The following TGFB3 variants were observed in gnomAD, a reference collection of about 807,000 sequenced individuals.
The protein encoded by TGFB3 is transforming growth factor beta 3, also known as transforming growth factor beta-3 proprotein.
Under a neutral mutation model 40.1 loss-of-function variants are expected in TGFB3, and 5 were observed. The observed-to-expected ratio is 0.12, with a 90% CI of 0.07 to 0.26. The LOEUF (loss-of-function observed/expected upper bound fraction) is 0.26, where lower values mean the gene tolerates loss of function less well. Ranked by LOEUF, TGFB3 falls within the 10% of genes least tolerant of loss-of-function variation. The probability of loss-of-function intolerance (pLI) is 1.00; values close to 1 mark genes in which losing one functional copy is unlikely to be tolerated. For missense variants in TGFB3, 373 were observed against 530.1 expected (o/e 0.70, Z 2.91); for synonymous variants, 184 against 205.6 (o/e 0.89, Z 0.90).
At chr14:75,977,442 C>T (rs1264972695) in intron 1 of TGFB3, among the ~76,000 whole-genome samples, 3 of 152,276 alleles carry the variant, frequency 2.0e-5, no homozygotes, top group African/African-American at 7.2e-5. Context: ...CCAATAGAGG[C>T]TCTGCTGATT....
intron 1 of TGFB3, among the ~76,000 whole-genome samples, chr14:75,977,206 G>A (rs3917162): frequency 0.047 from 7,119 of 152,282 alleles, 193 homozygotes; most frequent in South Asian, 0.076. Flanking sequence ...TTGTCTTAGC[G>A]CTGCCCTTGG....
rs1200653349 is a variant in TGFB3, at chr14:75,971,098, G to A, written c.646+28C>T. On this transcript the variant is annotated intron_variant, in intron 3 of 6. Coordinates refer to ENST00000238682, the MANE Select transcript of TGFB3 (RefSeq NM_003239.5). The surrounding 1 kb of genome is among the most constrained non-coding windows in gnomAD (Gnocchi z 4.5). ...GACTAAGGGACCTGAGGTTCATTCT[G>A]AAATGCTTATCTGAAGGGTCCACCT... is the stretch of plus-strand genomic sequence containing the variant. 1 of 1,612,828 alleles carries A rather than the reference G, an allele frequency of 6.2e-7. No individual in the cohort carries two copies. Among genetic ancestry groups the A allele is most frequent in the East Asian group, 2.2e-5 (1 of 44,858 alleles).
Position 75,971,788 on chromosome 14 carries a change from C to G in TGFB3, c.353-70G>C. On this transcript the variant is annotated intron_variant, in intron 1 of 6. Coordinates refer to ENST00000238682, the MANE Select transcript of TGFB3 (RefSeq NM_003239.5). This position sits in a 1 kb window ranked among gnomAD's most constrained non-coding sequence, Gnocchi z 4.5. ...GCAGGAACAGTGTGCTGCCAACGGA[C>G]AGGCACCAAGTGGCCACCGTCCCGC... 6.3e-7 allele frequency: 1 copy of G among 1,581,826 alleles called. No homozygotes were observed. Among genetic ancestry groups the G allele is most frequent in the Non-Finnish European group, 8.6e-7 (1 of 1,157,324 alleles).
chr14:75,970,066 G>T (rs2035270422), intron 3 of TGFB3, among the ~76,000 whole-genome samples: 1 of 151,986 alleles, frequency 6.6e-6, no homozygotes, highest in Non-Finnish European at 1.5e-5. Context: ...CCCTGTAGCT[G>T]TCTGAGTCAG....
rs2035108286 is a variant in TGFB3 at position 75,958,127 on chromosome 14, A to G, written c.*1060T>C. ...CTTAGAATAAGGCTTTTACTGTTCTAGAAACAATATTCCAGAAGATGAAAT... is the reference window on the plus strand; with the variant it reads ...CTTAGAATAAGGCTTTTACTGTTCTGGAAACAATATTCCAGAAGATGAAAT... On this transcript the variant is annotated 3_prime_UTR_variant, in exon 7 of 7. Transcript: ENST00000238682. The G allele has an allele frequency of 6.5e-6, 1 of 152,680 alleles. No individual in the cohort carries two copies. The highest frequency in any genetic ancestry group is 2.4e-5 in the African/African-American group (1 of 41,460). 9.5% of individuals were successfully genotyped at this position (152,680 alleles called of 1,614,324 possible).
intron 3 of TGFB3, chr14:75,966,171 A>T: frequency 4.7e-6 from 1 of 213,388 alleles, no homozygotes; most frequent in Non-Finnish European, 9.5e-6. Context: ...GTAACTAAAG[A>T]GTCTCCGAGC....
chr14:75,968,669 C>T (rs1374081992), intron 3 of TGFB3, among the ~76,000 whole-genome samples: 2 of 152,178 alleles, frequency 1.3e-5, no homozygotes, highest in South Asian at 2.1e-4. Context: ...GGCAGATCCA[C>T]GTGGGTTCTC....
intron 6 of TGFB3, 51 bp downstream of exon 6, chr14:75,960,872 G>A: frequency 6.2e-7 from 1 of 1,611,322 alleles, no homozygotes; most frequent in Non-Finnish European, 8.5e-7. Flanking sequence ...TTTAACAAGT[G>A]GTCTGGTCGG....
rs754489322 is a variant in TGFB3 at position 75,959,158 on chromosome 14, T to C, written c.*29A>G. 3 of 1,613,986 alleles carry C rather than the reference T, an allele frequency of 1.9e-6. No individual in the cohort carries two copies. Among genetic ancestry groups the C allele is most frequent in the Non-Finnish European group, 2.5e-6 (3 of 1,179,910 alleles). On this transcript the variant is annotated 3_prime_UTR_variant, in exon 7 of 7. Coordinates refer to ENST00000238682, the MANE Select transcript of TGFB3 (RefSeq NM_003239.5). ...GGGCAGTCAGGCAGTGGTGGTTCTCTCTCCCCTCTCTCTGTCGCACGTGGG... is the reference window on the plus strand; with the variant it reads ...GGGCAGTCAGGCAGTGGTGGTTCTCCCTCCCCTCTCTCTGTCGCACGTGGG...
At chr14:75,975,786 AT>A (rs1318973572) in intron 1 of TGFB3, among the ~76,000 whole-genome samples, 1 of 152,226 alleles carries the variant, frequency 6.6e-6, no homozygotes, top group African/African-American at 2.4e-5. Context: ...AGATGGTTTC[AT>A]CAACAAAATA....
rs2035286432 is a variant in TGFB3, at chr14:75,971,186, T to C, written c.586A>G (p.Thr196Ala). 3.7e-6 allele frequency: 6 copies of C among 1,614,192 alleles called. No individual in the cohort carries two copies. The highest frequency in any genetic ancestry group is 3.3e-5 in the Admixed American group (2 of 60,030). The stretch of plus-strand genomic sequence containing the variant: ...ACATCAAAGGACAGCCACTCGGCAG[T>C]GCCCCGTGTGGGCAGATTCTTGCCA... ...IGGKNLPTRG[T>A]AEWLSFDVTD... is the part of the protein sequence containing the mutation. The change falls in exon 3 of 7, where the codon ACT (threonine) becomes GCT (alanine). Residue 196 changes from threonine (T) to alanine (A), a missense_variant. Physicochemically the swap from Thr to Ala is moderately conservative, Grantham distance 58. Transcript: ENST00000238682. This position sits in a 1 kb window ranked among gnomAD's most constrained non-coding sequence, Gnocchi z 4.5.
chr14:75,968,298 T>C (rs1228633174), intron 3 of TGFB3, among the ~76,000 whole-genome samples: 2 of 151,290 alleles, frequency 1.3e-5, no homozygotes, highest in Non-Finnish European at 3.0e-5. Flanking sequence ...TCTCTGTAAG[T>C]ACAAACCTGT....
rs1208175026 is a variant in TGFB3, at chr14:75,961,146, A to T, written c.927-70T>A. 22 of 1,565,698 alleles carry T rather than the reference A, an allele frequency of 1.4e-5. No homozygotes were observed. The South Asian group carries it at 2.3e-4, about 16-fold the overall frequency. The stretch of plus-strand genomic sequence containing the variant: ...TAAAAGAAACTTCATGAATGCTCTC[A>T]TATTCTCCCTTGGAGTCCTTTCATG... On this transcript the variant is annotated intron_variant, in intron 5 of 6. Coordinates refer to ENST00000238682, the MANE Select transcript of TGFB3 (RefSeq NM_003239.5).
Position 75,971,162 on chromosome 14 carries a change from C to T in TGFB3, c.610G>A (p.Val204Ile). The T allele has an allele frequency of 6.2e-7, 1 of 1,614,148 alleles. No homozygotes were observed. The highest frequency in any genetic ancestry group is 1.1e-5 in the South Asian group (1 of 91,084). The change falls in exon 3 of 7, where the codon GTC becomes ATC. Residue 204 changes from valine (V) to isoleucine (I), a missense_variant. Transcript: ENST00000238682. The surrounding 1 kb of genome is among the most constrained non-coding windows in gnomAD (Gnocchi z 4.5). ...RGTAEWLSFD[V>I]TDTVREWLLR... is the part of the protein sequence containing the mutation. ...AGCCACTCACGCACAGTGTCAGTGACATCAAAGGACAGCCACTCGGCAGTG... is the reference window on the plus strand; with the variant it reads ...AGCCACTCACGCACAGTGTCAGTGATATCAAAGGACAGCCACTCGGCAGTG...
intron 3 of TGFB3, among the ~76,000 whole-genome samples, chr14:75,969,721 A>G (rs1341008388): frequency 1.3e-5 from 2 of 152,154 alleles, no homozygotes; most frequent in Non-Finnish European, 2.9e-5. Context: ...TTTAAACTTA[A>G]CTGGGCAGAA....
chr14:75,960,028 C>T (rs2035136285), intron 6 of TGFB3, among the ~76,000 whole-genome samples: 1 of 140,112 alleles, frequency 7.1e-6, no homozygotes, highest in African/African-American at 2.6e-5. Flanking sequence ...CTGCAACTTC[C>T]GCCTCCTGGG....
At chr14:75,968,440 AT>A (rs2035247786) in intron 3 of TGFB3, among the ~76,000 whole-genome samples, 5 of 152,174 alleles carry the variant, frequency 3.3e-5, no homozygotes. Context: ...TTATTACGAA[AT>A]TATCTTTTTG....
chr14:75,977,872 G>A (rs1332719563), intron 1 of TGFB3, among the ~76,000 whole-genome samples: 1 of 151,972 alleles, frequency 6.6e-6, no homozygotes, highest in Non-Finnish European at 1.5e-5. Flanking sequence ...ATAAATGAGT[G>A]CTTAACTACA....
rs534146542 is a variant in TGFB3, at chr14:75,971,847, C to A, written c.353-129G>T. The A allele has an allele frequency of 9.3e-6, 9 of 963,098 alleles. No individual in the cohort carries two copies. The highest frequency in any genetic ancestry group is 1.4e-5 in the South Asian group (1 of 69,266). The allele number at this position is 963,098 out of a possible 1,614,324, so 59.7% of individuals were successfully genotyped here. A position where few individuals can be genotyped will look rare whatever the true frequency, so the allele number is the denominator to read the frequency against. On this transcript the variant is annotated intron_variant, in intron 1 of 6. Coordinates refer to ENST00000238682, the MANE Select transcript of TGFB3 (RefSeq NM_003239.5). This position sits in a 1 kb window ranked among gnomAD's most constrained non-coding sequence, Gnocchi z 4.5. The stretch of plus-strand genomic sequence containing the variant: ...TCCCTAGAGGCTTGAGGCCTCAGAC[C>A]GCAAGGTGGAGATACGAGGAAGATT...
Sources: allele counts gnomAD v4.1 joint callset (sites outside exome capture counted in the v4.1 genomes callset), GRCh38; gene constraint gnomAD v4.1.1; non-coding constraint Gnocchi (gnomAD v3.1); transcripts MANE v1.5; gene names NCBI Gene and HGNC (gene_info 2026-07-23, HGNC 2026-07-21).